NT5C3B: variants seen among roughly 807,000 people sequenced by gnomAD.
NT5C3B encodes the protein 5'-nucleotidase, cytosolic IIIB.
NT5C3B carries 28 observed loss-of-function variants against 32.5 expected under a neutral mutation model. The ratio of observed to expected loss-of-function variants is 0.86; its 90% CI spans 0.64 to 1.18. NT5C3B has a LOEUF of 1.18. NT5C3B is among the 50% of genes most tolerant of loss of function. The pLI is 0.00. For missense variants in NT5C3B, 317 were observed against 322.0 expected, an observed-to-expected ratio of 0.98 and a Z score of 0.12; for synonymous variants, 138 against 118.0, an observed-to-expected ratio of 1.17 and a Z score of -1.10.
chr17:41,829,019 G>T, intron 6 of NT5C3B, 67 bp from the exon 7 acceptor site: 1 of 1,481,324 alleles, frequency 6.8e-7, no homozygotes. Context: ...TCCTATTTGG[G>T]TTGTTTTTTG....
At chr17:41,833,370 G>A (rs2048084291) in intron 4 of NT5C3B, among the ~76,000 whole-genome samples, 1 of 151,796 alleles carries the variant, frequency 6.6e-6, no homozygotes, top group South Asian at 2.1e-4. Flanking sequence ...AGGCTGGAGT[G>A]CAGTGGCGCA....
chr17:41,832,216 A>T (rs2048063037), intron 5 of NT5C3B, among the ~76,000 whole-genome samples, 176 bp downstream of exon 5: 1 of 152,198 alleles, frequency 6.6e-6, no homozygotes, highest in Non-Finnish European at 1.5e-5. Flanking sequence ...CAGCAGCCAC[A>T]AAAAGCCCTG....
At chr17:41,836,025 G>T in intron 1 of NT5C3B, 68 bp from the exon 2 acceptor site, 1 of 1,449,326 alleles carries the variant, frequency 6.9e-7, no homozygotes, top group Non-Finnish European at 9.1e-7. Context: ...CCCGGGGCTC[G>T]CTCGGGCGCG....
chr17:41,826,211 ATTTC>A (rs58327354), intron 8 of NT5C3B, among the ~76,000 whole-genome samples: 10 of 150,462 alleles, frequency 6.6e-5, no homozygotes, highest in South Asian at 4.2e-4. Context: ...TCTGGACTGA[ATTTC>A]TTTCTTTCTT....
chr17:41,827,042 C>T (rs1364760401), intron 8 of NT5C3B, among the ~76,000 whole-genome samples: 2 of 150,492 alleles, frequency 1.3e-5, no homozygotes, highest in Non-Finnish European at 2.9e-5. Context: ...TGCAGTGGCT[C>T]ATGCCTGTAA....
chr17:41,830,764 A>T (rs782761131), intron 6 of NT5C3B, 37 bp downstream of exon 6: 2 of 1,396,374 alleles, frequency 1.4e-6, no homozygotes, highest in Non-Finnish European at 2.0e-6. Flanking sequence ...CATTCTAAAT[A>T]GTCTGATAGA....
At chr17:41,830,473 C>T (rs891390878) in intron 6 of NT5C3B, among the ~76,000 whole-genome samples, 13 of 152,186 alleles carry the variant, frequency 8.5e-5, no homozygotes, top group Admixed American at 2.0e-4. Flanking sequence ...TGCGCCACTG[C>T]ACTCCAGCCT....
In NT5C3B at chr17:41,835,257, C is replaced by A; in HGVS notation, c.127G>T (p.Asp43Tyr). 1 of 1,614,096 alleles carries A rather than the reference C, an allele frequency of 6.2e-7. No homozygotes were observed. Among genetic ancestry groups the A allele is most frequent in the Non-Finnish European group, 8.5e-7 (1 of 1,179,996 alleles). The change falls in exon 3 of 9, where the codon GAC becomes TAC. Residue 43 changes from aspartate (D) to tyrosine (Y), a missense_variant. Physicochemically the swap from Asp to Tyr is radical, Grantham distance 160 (BLOSUM62 -3). Coordinates refer to ENST00000435506, the MANE Select transcript of NT5C3B (RefSeq NM_052935.5). ...GDRLQVISDFDMTLSRFAYNG... is the reference protein window; with the variant it reads ...GDRLQVISDFYMTLSRFAYNG... Reference sequence around the variant, plus strand: ...TATGCAAACCTGCTCAAGGTCATGTCAAAATCAGAAATCACCTATAAGGCA... The same window carrying A: ...TATGCAAACCTGCTCAAGGTCATGTAAAAATCAGAAATCACCTATAAGGCA...
Position 41,836,229 on chromosome 17 carries a change from C to A in NT5C3B, c.-36G>T. 1.6e-6 allele frequency: 2 copies of A among 1,236,164 alleles called. No individual in the cohort carries two copies. The highest frequency in any genetic ancestry group is 2.0e-6 in the Non-Finnish European group (2 of 991,320). 76.6% of individuals were successfully genotyped at this position (1,236,164 alleles called of 1,614,324 possible). A position where few individuals can be genotyped will look rare whatever the true frequency, so the allele number is the denominator to read the frequency against. On this transcript the variant is annotated 5_prime_UTR_variant, in exon 1 of 9. Coordinates refer to ENST00000435506, the MANE Select transcript of NT5C3B (RefSeq NM_052935.5). ...GCCTGGTCGGCGGCTCGCGGGACAA[C>A]GACAGCCCCGCGACCGCACTGCGCA...
Position 41,836,189 on chromosome 17 carries a change from G to A in NT5C3B, c.5C>T (p.Ala2Val), listed in dbSNP as rs2048155465. The A allele has an allele frequency of 4.8e-6, 6 of 1,259,428 alleles. No homozygotes were observed. Among genetic ancestry groups the A allele is most frequent in the African/African-American group, 4.7e-5 (3 of 64,398 alleles). The allele number at this position is 1,259,428 out of a possible 1,614,324, so 78.0% of individuals were successfully genotyped here. Reference protein sequence around the residue: MAEEVSTLMKAT... With the variant: MVEEVSTLMKAT... ...CGCTTCCTCCCTCCTCACCTCCTCT[G>A]CCATCCCGTTCGAGGCCTGGTCGGC... is the stretch of plus-strand genomic sequence containing the variant. Residue 2 changes from alanine to valine, a missense_variant, in exon 1 of 9, where the codon GCA becomes GTA. By Grantham distance (64) the Ala-to-Val change is moderately conservative (BLOSUM62 0). Coordinates refer to ENST00000435506, the MANE Select transcript of NT5C3B (RefSeq NM_052935.5).
chr17:41,835,392 C>G, intron 2 of NT5C3B, 120 bp from the exon 3 acceptor site: 1 of 817,408 alleles, frequency 1.2e-6, no homozygotes, highest in Non-Finnish European at 2.1e-6. Flanking sequence ...GTAGGCAAAG[C>G]CCTAGGGGAG....
intron 6 of NT5C3B, among the ~76,000 whole-genome samples, chr17:41,829,250 A>G (rs988206859): frequency 6.6e-6 from 1 of 152,116 alleles, no homozygotes; most frequent in Non-Finnish European, 1.5e-5. Flanking sequence ...TTGAACTCCT[A>G]TGCTCAAGCA....
chr17:41,831,091 G>A (rs376500146), intron 5 of NT5C3B, among the ~76,000 whole-genome samples: 37 of 152,278 alleles, frequency 2.4e-4, no homozygotes, highest in African/African-American at 8.4e-4. Flanking sequence ...GGTCAAGGCG[G>A]GTGGATCACC....
Position 41,827,554 on chromosome 17 carries a change from C to A in NT5C3B, c.640G>T (p.Gly214Cys). The change falls in exon 8 of 9, where the codon GGT becomes TGT. Residue 214 changes from glycine (G) to cysteine (C), a missense_variant. Transcript: ENST00000435506. Reference protein sequence around the residue: ...NKNSSACENSGYFQQLEGKTN... With the variant: ...NKNSSACENSCYFQQLEGKTN... ...TTGCCCTCAAGTTGCTGGAAGTAAC[C>A]AGAGTTCTCACACGCAGAGCTGTTC... 1 of 871,364 alleles carries A rather than the reference C, an allele frequency of 1.1e-6. No individual in the cohort carries two copies. Among genetic ancestry groups the A allele is most frequent in the South Asian group, 1.3e-5 (1 of 76,492 alleles). 54.0% of individuals were successfully genotyped at this position (871,364 alleles called of 1,614,324 possible). A position where few individuals can be genotyped will look rare whatever the true frequency, so the allele number is the denominator to read the frequency against.
rs952667325 is a variant in NT5C3B at position 41,825,404 on chromosome 17, G to A, written c.*119C>T. 88 of 688,252 alleles carry A rather than the reference G, an allele frequency of 1.3e-4. 1 individual carries two copies. Among genetic ancestry groups the A allele is most frequent in the Middle Eastern group, 8.1e-4 (2 of 2,464 alleles). The allele number at this position is 688,252 out of a possible 1,614,324, so 42.6% of individuals were successfully genotyped here. Reference sequence around the variant, plus strand: ...CTCAGGGAAAGGAGGACGGAGGGGCGCGGAAGGACCCAGCCACTGCTGGCC... The same window carrying A: ...CTCAGGGAAAGGAGGACGGAGGGGCACGGAAGGACCCAGCCACTGCTGGCC... On this transcript the variant is annotated 3_prime_UTR_variant, in exon 9 of 9. Coordinates refer to ENST00000435506, the MANE Select transcript of NT5C3B (RefSeq NM_052935.5).
rs1161447800 is a variant in NT5C3B, at chr17:41,828,963, A to G, written c.405-11T>C. On this transcript the variant is annotated splice_polypyrimidine_tract_variant and intron_variant, in intron 6 of 8. Coordinates refer to ENST00000435506, the MANE Select transcript of NT5C3B (RefSeq NM_052935.5). ...GTCTTATATCCCTCCCTGAAAAGAG[A>G]TGGAGGAATTCTGAAATGGCACTGC... 6.2e-7 allele frequency: 1 copy of G among 1,600,510 alleles called. No individual in the cohort carries two copies. Among genetic ancestry groups the G allele is most frequent in the African/African-American group, 1.3e-5 (1 of 74,654 alleles).
intron 7 of NT5C3B, among the ~76,000 whole-genome samples, chr17:41,828,026 G>C (rs2047994320): frequency 6.6e-6 from 1 of 152,244 alleles, no homozygotes; most frequent in African/African-American, 2.4e-5. Context: ...GCACGAAGCT[G>C]TGATATAAAT....
intron 5 of NT5C3B, among the ~76,000 whole-genome samples, chr17:41,831,689 G>A (rs1264842872): frequency 6.6e-5 from 10 of 152,130 alleles, no homozygotes; most frequent in African/African-American, 2.4e-4. Context: ...CTCGCCAAAT[G>A]CCAGCCAGTC....
In NT5C3B at chr17:41,828,920, T is replaced by C. The variant is rs782636218; in HGVS notation, c.437A>G (p.Tyr146Cys). The change falls in exon 7 of 9, where the codon TAC (tyrosine) becomes TGC (cysteine). Residue 146 changes from tyrosine to cysteine, a missense_variant. Tyr to Cys is a radical substitution (Grantham distance 194). Coordinates refer to ENST00000435506, the MANE Select transcript of NT5C3B (RefSeq NM_052935.5). Reference protein sequence around the residue: ...EGYKTFFNTLYHNNIPLFIFS... With the variant: ...EGYKTFFNTLCHNNIPLFIFS... ...GATGAAAAGGGGAATGTTGTTATGG[T>C]AGAGTGTGTTGAAGAAGGTCTTATA... is the stretch of plus-strand genomic sequence containing the variant. 2.4e-5 allele frequency: 38 copies of C among 1,613,784 alleles called. No individual in the cohort carries two copies. Among genetic ancestry groups the C allele is most frequent in the Non-Finnish European group, 2.2e-5 (26 of 1,179,822 alleles).
Sources: gnomAD v4.1 joint callset for allele counts (sites outside exome capture counted in the v4.1 genomes callset) on GRCh38, gnomAD v4.1.1 for gene constraint, MANE v1.5 for transcripts, NCBI Gene and HGNC (gene_info 2026-07-23, HGNC 2026-07-21) for gene names.